The following SLC12A6 variants were observed in gnomAD, a reference collection of about 807,000 sequenced individuals.
The protein encoded by SLC12A6 is solute carrier family 12 member 6.
A neutral mutation model predicts 135.3 loss-of-function variants in SLC12A6; 66 were observed. The ratio of observed to expected loss-of-function variants is 0.49; its 90% confidence interval spans 0.40 to 0.60. The LOEUF (loss-of-function observed/expected upper bound fraction) is 0.60, where lower values mean the gene tolerates loss of function less well. Among genes scored for constraint, SLC12A6 ranks in the 20% least tolerant of loss-of-function variants. SLC12A6 has a pLI of 0.00. For synonymous variants in SLC12A6, 513 were observed against 508.8 expected (o/e 1.01, Z -0.11); for missense variants, 1,058 against 1,452.3 (o/e 0.73, Z 4.41).
chr15:34,245,249 A>T, intron 15 of SLC12A6, 36 bp downstream of exon 15: 1 of 1,086,430 alleles, frequency 9.2e-7, no homozygotes, highest in Non-Finnish European at 1.4e-6. Context: ...TTTATCATTT[A>T]AGCAAGAATA....
chr15:34,313,970 T>C (rs1166031066), intron 2 of SLC12A6, among the ~76,000 whole-genome samples: 3 of 150,844 alleles, frequency 2.0e-5, no homozygotes, highest in East Asian at 1.9e-4. Flanking sequence ...AAAAGGTTTA[T>C]GCTAAATCTA....
At chr15:34,296,581 G>GATCACAAC (rs1895889684) in intron 2 of SLC12A6, among the ~76,000 whole-genome samples, 2 of 152,184 alleles carry the variant, frequency 1.3e-5, no homozygotes, top group South Asian at 4.1e-4. Context: ...TAAGGCACAA[G>GATCACAAC]ATCACAACAA....
chr15:34,243,887 A>G, intron 16 of SLC12A6, 87 bp downstream of exon 16: 2 of 842,926 alleles, frequency 2.4e-6, no homozygotes, highest in Middle Eastern at 2.2e-4. Flanking sequence ...AAAAAATTTT[A>G]TCGAGAACCC....
chr15:34,236,540 C>T (rs1485506696), intron 23 of SLC12A6, among the ~76,000 whole-genome samples, 168 bp downstream of exon 23: 2 of 152,014 alleles, frequency 1.3e-5, no homozygotes, highest in African/African-American at 2.4e-5. Flanking sequence ...GATGGGGTTT[C>T]ACCATCTTGG....
At chr15:34,251,092 A>T in intron 10 of SLC12A6, 35 bp from the exon 11 acceptor site, 1 of 1,318,186 alleles carries the variant, frequency 7.6e-7, no homozygotes, top group Non-Finnish European at 1.0e-6. Flanking sequence ...AAGCAGCAGC[A>T]GTATGAAAAA....
At chr15:34,281,196 T>C (rs1456821063) in intron 2 of SLC12A6, among the ~76,000 whole-genome samples, 1 of 152,182 alleles carries the variant, frequency 6.6e-6, no homozygotes, top group Non-Finnish European at 1.5e-5. Flanking sequence ...GAGGAGGATA[T>C]TGAATGTTTC....
chr15:34,263,586 T>C (rs1373957095), intron 3 of SLC12A6, among the ~76,000 whole-genome samples: 1 of 152,168 alleles, frequency 6.6e-6, no homozygotes, highest in Non-Finnish European at 1.5e-5. Context: ...CAAACTTTAT[T>C]TGAGCACTTC....
At chr15:34,264,872 C>T (rs991838193) in intron 3 of SLC12A6, among the ~76,000 whole-genome samples, 45 of 152,230 alleles carry the variant, frequency 3.0e-4, no homozygotes, top group African/African-American at 1.1e-3. Flanking sequence ...TAATTCTTTT[C>T]CTCTTCTTAA....
chr15:34,281,972 T>C (rs1455264159), intron 2 of SLC12A6, among the ~76,000 whole-genome samples: 2 of 151,872 alleles, frequency 1.3e-5, no homozygotes, highest in Admixed American at 6.6e-5. Flanking sequence ...AAAAAAGATA[T>C]ATAGAGCCTA....
At chr15:34,257,289 A>G (rs2140742598) in intron 6 of SLC12A6, among the ~76,000 whole-genome samples, 2 of 152,352 alleles carry the variant, frequency 1.3e-5, no homozygotes, top group African/African-American at 4.8e-5. Flanking sequence ...TTCTCAATAT[A>G]TACTGGAGTG....
chr15:34,305,205 A>G (rs1896519539), intron 2 of SLC12A6, among the ~76,000 whole-genome samples: 1 of 152,096 alleles, frequency 6.6e-6, no homozygotes, highest in Non-Finnish European at 1.5e-5. Context: ...ATCCCTATGT[A>G]TGTGTTTTTC....
intron 2 of SLC12A6, among the ~76,000 whole-genome samples, chr15:34,276,745 T>C (rs1595481579): frequency 6.6e-6 from 1 of 152,254 alleles, no homozygotes; most frequent in Admixed American, 6.5e-5. Context: ...ACCTTTGATT[T>C]TGTCTAACAA....
chr15:34,250,461 ACTC>A (rs1892310494), intron 12 of SLC12A6, 106 bp from the exon 13 acceptor site: 10 of 869,794 alleles, frequency 1.1e-5, no homozygotes, highest in Middle Eastern at 2.2e-4. Flanking sequence ...GCTGCTAAAT[ACTC>A]CTATAAATTC....
Position 34,318,776 on chromosome 15 carries a change from A to C in SLC12A6, c.271+17634T>G. The C allele has an allele frequency of 9.5e-6, 15 of 1,585,986 alleles. No homozygotes were observed. In the South Asian group the frequency reaches 1.7e-4, roughly 18 times the overall value. On this transcript the variant is annotated intron_variant, in intron 2 of 25. Transcript: ENST00000354181. ...TTCCTTGCTGTCGTTTCAGACTGTG[A>C]TCCCTGCCTACAAGAGACAGTGGCT...
chr15:34,253,571 T>C (rs972234979), intron 9 of SLC12A6, among the ~76,000 whole-genome samples: 1 of 152,238 alleles, frequency 6.6e-6, no homozygotes, highest in African/African-American at 2.4e-5. Context: ...CTGCCATTAA[T>C]TAACTTTGAG....
intron 2 of SLC12A6, chr15:34,318,769 G>A: frequency 1.3e-6 from 2 of 1,591,932 alleles, no homozygotes; most frequent in Non-Finnish European, 1.7e-6. Flanking sequence ...TGTCGTTTCA[G>A]ACTGTGATCC....
rs140962798 is a variant in SLC12A6, at chr15:34,241,045, G to A, written c.2267+188C>T. On this transcript the variant is annotated intron_variant, in intron 18 of 25. Transcript: ENST00000354181. Reference sequence around the variant, plus strand: ...AGTCTTCAAGGAAGAATAATAAATTGTAGAAATCTTGATCATAAACGACAT... The same window carrying A: ...AGTCTTCAAGGAAGAATAATAAATTATAGAAATCTTGATCATAAACGACAT... The A allele has an allele frequency of 2.1e-5, 14 of 653,072 alleles. No individual in the cohort carries two copies. In the African/African-American group the frequency reaches 2.4e-4, roughly 11 times the overall value. The allele number at this position is 653,072 out of a possible 1,614,324, so 40.5% of individuals were successfully genotyped here.
intron 2 of SLC12A6, among the ~76,000 whole-genome samples, chr15:34,288,892 G>A (rs1189529198): frequency 3.3e-5 from 5 of 152,144 alleles, no homozygotes; most frequent in Non-Finnish European, 7.4e-5. Context: ...GGGCTGAGAC[G>A]ATGGGGTTTT....
At chr15:34,252,910 T>C (rs529134399) in intron 9 of SLC12A6, among the ~76,000 whole-genome samples, 3 of 152,276 alleles carry the variant, frequency 2.0e-5, no homozygotes, top group South Asian at 2.1e-4. Flanking sequence ...ATGCTAAAGG[T>C]TGAATCTTCT....
Sources: allele counts gnomAD v4.1 joint callset (sites outside exome capture counted in the v4.1 genomes callset), GRCh38; gene constraint gnomAD v4.1.1; transcripts MANE v1.5; gene names NCBI Gene and HGNC (gene_info 2026-07-23, HGNC 2026-07-21).